CKAP5: variants seen among roughly 807,000 people sequenced by gnomAD.
CKAP5 encodes the protein cytoskeleton-associated protein 5.
A neutral mutation model predicts 232.8 loss-of-function variants in CKAP5; 27 were observed. The ratio of observed to expected loss-of-function variants is 0.12; its 90% CI spans 0.09 to 0.16. CKAP5 has a LOEUF of 0.16. Among genes scored for constraint, CKAP5 ranks in the 10% least tolerant of loss-of-function variants. The pLI is 1.00. For missense variants in CKAP5, 1,838 were observed against 2,424.7 expected, an observed-to-expected ratio of 0.76 and a Z score of 5.08; for synonymous variants, 785 against 841.1, an observed-to-expected ratio of 0.93 and a Z score of 1.16.
At chr11:46,753,758 TG>T (rs2065088032) in intron 36 of CKAP5, among the ~76,000 whole-genome samples, 2 of 151,416 alleles carry the variant, frequency 1.3e-5, no homozygotes, top group Non-Finnish European at 2.9e-5. Flanking sequence ...GGCTAATTTT[TG>T]TATTTTTTTT....
At chr11:46,770,415 C>T (rs1322454457) in intron 25 of CKAP5, among the ~76,000 whole-genome samples, 1 of 152,166 alleles carries the variant, frequency 6.6e-6, no homozygotes, top group East Asian at 1.9e-4. Context: ...GTTTTTTCCT[C>T]ATATAAATTC....
intron 24 of CKAP5, among the ~76,000 whole-genome samples, chr11:46,774,873 A>C (rs960660558): frequency 6.6e-6 from 1 of 152,226 alleles, no homozygotes; most frequent in Non-Finnish European, 1.5e-5. Flanking sequence ...TAAGACCTTA[A>C]ACCATAAAAA....
At chr11:46,753,813 C>T (rs1458994484) in intron 36 of CKAP5, among the ~76,000 whole-genome samples, 2 of 151,462 alleles carry the variant, frequency 1.3e-5, no homozygotes, top group East Asian at 2.0e-4. Context: ...AGGATGGTCT[C>T]GATCTCCTGA....
chr11:46,811,311 A>G, intron 4 of CKAP5, 133 bp from the exon 5 acceptor site: 1 of 710,652 alleles, frequency 1.4e-6, no homozygotes, highest in South Asian at 2.3e-5. Flanking sequence ...TTTTTAAGGC[A>G]ACAAAAGAAA....
chr11:46,828,706 C>T (rs1374933899), intron 1 of CKAP5, among the ~76,000 whole-genome samples: 2 of 151,876 alleles, frequency 1.3e-5, no homozygotes, highest in Non-Finnish European at 2.9e-5. Context: ...TGCTTATGAG[C>T]GAATTAAACA....
At chr11:46,829,849 TGTG>T (rs1565757094) in intron 1 of CKAP5, among the ~76,000 whole-genome samples, 39 of 35,520 alleles carry the variant, frequency 1.1e-3, no homozygotes, top group African/African-American at 2.0e-3. Flanking sequence ...TGTGTGTGTG[TGTG>T]TGTGTGTGTG....
At position 46,744,126 on chromosome 11, in the gene CKAP5, G is replaced by A. The variant is rs776422415; in HGVS notation, c.5996C>T (p.Ser1999Phe). 1 of 1,614,002 alleles carries A rather than the reference G, an allele frequency of 6.2e-7. No homozygotes were observed. The highest frequency in any genetic ancestry group is 1.7e-5 in the Admixed American group (1 of 59,990). Residue 1999 changes from serine to phenylalanine, a missense_variant, in exon 44 of 44, where the codon TCT becomes TTT. Around this residue, in one of 6 missense-constraint regions of CKAP5, gnomAD observed 62 missense variants for 61.1 expected, o/e 1.01. Coordinates refer to ENST00000529230, the MANE Select transcript of CKAP5 (RefSeq NM_001008938.4). ...REQHQHSDLD[S>F]NQTHSSGTVT... ...AGTTCCTGAAGAGTGAGTCTGGTTA[G>A]AATCCAGGTCTGAATGCTGGTGCTG...
At chr11:46,771,310 G>A (rs1427205354) in intron 24 of CKAP5, among the ~76,000 whole-genome samples, 1 of 152,112 alleles carries the variant, frequency 6.6e-6, no homozygotes, top group Non-Finnish European at 1.5e-5. Flanking sequence ...AAGACCCAAA[G>A]CACTTATTGT....
intron 1 of CKAP5, 51 bp downstream of exon 1, chr11:46,846,169 A>G (rs1281022131): frequency 6.6e-6 from 1 of 152,250 alleles, no homozygotes; most frequent in East Asian, 1.9e-4. Flanking sequence ...TGCGCGCGCG[A>G]TGCCTGCACT....
chr11:46,762,221 G>C (rs1302505246), intron 31 of CKAP5, 28 bp from the exon 32 acceptor site: 1 of 1,600,068 alleles, frequency 6.2e-7, no homozygotes. Context: ...CTAGATTAAT[G>C]AGACAACACA....
At chr11:46,802,148 C>T (rs907894921) in intron 8 of CKAP5, 9 of 152,206 alleles carry the variant, frequency 5.9e-5, no homozygotes, top group African/African-American at 2.2e-4. Flanking sequence ...GAGGCTGCCA[C>T]TTCAGTCATC....
At chr11:46,753,214 G>T in intron 37 of CKAP5, 96 bp downstream of exon 37, 1 of 920,810 alleles carries the variant, frequency 1.1e-6, no homozygotes. Context: ...ATGATTGTTA[G>T]GTTGCCTAGG....
Position 46,770,949 on chromosome 11 carries a change from G to A in CKAP5, c.3025C>T (p.Leu1009Phe). 11 of 1,613,820 alleles carry A rather than the reference G, an allele frequency of 6.8e-6. No homozygotes were observed. Among genetic ancestry groups the A allele is most frequent in the Non-Finnish European group, 9.3e-6 (11 of 1,179,796 alleles). ...ATAAGGTCTGTAGGGGTGGAACGAA[G>A]AGTAGGTAGTTTCTCAGCCAGCCAG... ...LGWLAEKLPT[L>F]RSTPTDLILC... Residue 1009 changes from leucine (L) to phenylalanine (F), a missense_variant, in exon 25 of 44, where the codon CTT (leucine) becomes TTT (phenylalanine). Transcript: ENST00000529230.
rs370270848 is a variant in CKAP5, at chr11:46,752,714, G to A, written c.5058-4C>T. 1.1e-3 allele frequency: 1,736 copies of A among 1,610,644 alleles called. 2 individuals carry two copies. The highest frequency in any genetic ancestry group is 1.3e-3 in the Non-Finnish European group (1,556 of 1,177,856). On this transcript the variant is annotated splice_region_variant and splice_polypyrimidine_tract_variant and intron_variant, in intron 37 of 43. Coordinates refer to ENST00000529230, the MANE Select transcript of CKAP5 (RefSeq NM_001008938.4). ...TTGGAGCAAAACAAGTAGGGCACTG[G>A]AAGAAAAACCCAACACAACAGCATT...
At chr11:46,762,267 T>C in intron 31 of CKAP5, 74 bp from the exon 32 acceptor site, 15 of 1,471,674 alleles carry the variant, frequency 1.0e-5, no homozygotes, top group Non-Finnish European at 1.4e-5. Context: ...CTAGAGAAAT[T>C]TCCCTTGGCA....
At chr11:46,747,434 T>C (rs1181136405) in intron 42 of CKAP5, among the ~76,000 whole-genome samples, 1 of 151,520 alleles carries the variant, frequency 6.6e-6, no homozygotes, top group Non-Finnish European at 1.5e-5. Context: ...AAACCCCGCC[T>C]CTACTAAAAC....
chr11:46,842,743 G>A (rs945429512), intron 1 of CKAP5, among the ~76,000 whole-genome samples: 14 of 148,040 alleles, frequency 9.5e-5, no homozygotes, highest in Middle Eastern at 7.5e-3. Context: ...CGAGGCGGGC[G>A]GATCACGAGG....
intron 42 of CKAP5, among the ~76,000 whole-genome samples, chr11:46,745,305 A>G (rs1264478313): frequency 6.6e-6 from 1 of 152,210 alleles, no homozygotes; most frequent in Non-Finnish European, 1.5e-5. Context: ...AGAAAAGTAG[A>G]AAGGTTACTC....
intron 14 of CKAP5, 27 bp from the exon 15 acceptor site, chr11:46,790,213 T>C: frequency 6.8e-7 from 1 of 1,480,358 alleles, no homozygotes; most frequent in Non-Finnish European, 9.4e-7. Flanking sequence ...CATATTAGAA[T>C]TAGGAATTGC....
Sources: allele counts gnomAD v4.1 joint callset (sites outside exome capture counted in the v4.1 genomes callset), GRCh38; gene constraint gnomAD v4.1.1; regional missense constraint gnomAD v4.1.1; transcripts MANE v1.5; gene names NCBI Gene and HGNC (gene_info 2026-07-23, HGNC 2026-07-21).